The following SEPHS1 variants were observed in gnomAD, a reference collection of about 807,000 sequenced individuals.
SEPHS1 encodes selenophosphate synthetase 1, also known as zincore component SEPHS1.
SEPHS1 carries 7 observed loss-of-function variants against 39.2 expected under a neutral mutation model. The ratio of observed to expected loss-of-function variants is 0.18; its 90% CI spans 0.10 to 0.34. The LOEUF is 0.34. SEPHS1 is among the 10% of genes least tolerant of loss of function. The pLI, the probability that SEPHS1 is intolerant of heterozygous loss-of-function variation, is 1.00. For missense variants in SEPHS1, 253 were observed against 514.5 expected, an observed-to-expected ratio of 0.49 and a Z score of 4.92; for synonymous variants, 190 against 195.5, an observed-to-expected ratio of 0.97 and a Z score of 0.23.
At chr10:13,346,537 T>C (rs1833927589) in intron 1 of SEPHS1, among the ~76,000 whole-genome samples, 1 of 151,976 alleles carries the variant, frequency 6.6e-6, no homozygotes, top group African/African-American at 2.4e-5. Flanking sequence ...TTCCAAGAAG[T>C]CTCCCTGCCC....
chr10:13,344,835 T>C lies in SEPHS1; in HGVS notation c.116A>G (p.Gln39Arg). 6.2e-7 allele frequency: 1 copy of C among 1,607,288 alleles called. No homozygotes were observed. Among genetic ancestry groups the C allele is most frequent in the Non-Finnish European group, 8.5e-7 (1 of 1,176,472 alleles). ...CTCCTGTAAAGATTCCAGCAATTTT[T>C]GCAGGACATCTTGGGGCACTTTGCA... is the stretch of plus-strand genomic sequence containing the variant. ...TGCKVPQDVLQKLLESLQENH... is the reference protein window; with the variant it reads ...TGCKVPQDVLRKLLESLQENH... Residue 39 changes from glutamine to arginine, a missense_variant, in exon 2 of 9, where the codon CAA (glutamine) becomes CGA (arginine). By Grantham distance (43) the Gln-to-Arg change is conservative. Around this residue, in one of 4 missense-constraint regions of SEPHS1, gnomAD observed 123 missense variants for 196.8 expected, o/e 0.62. Coordinates refer to ENST00000327347, the MANE Select transcript of SEPHS1 (RefSeq NM_012247.5).
chr10:13,324,718 C>T (rs756993042), intron 7 of SEPHS1, among the ~76,000 whole-genome samples: 1 of 152,224 alleles, frequency 6.6e-6, no homozygotes, highest in Non-Finnish European at 1.5e-5. Context: ...TCAAGGGATC[C>T]TCCCAACCTC....
At chr10:13,326,443 C>T (rs559233057) in intron 7 of SEPHS1, among the ~76,000 whole-genome samples, 1 of 147,812 alleles carries the variant, frequency 6.8e-6, no homozygotes, top group East Asian at 2.0e-4. Context: ...CACTGCACTT[C>T]AGCCTGGGCG....
chr10:13,326,162 C>T (rs899343455), intron 7 of SEPHS1, among the ~76,000 whole-genome samples: 5 of 151,904 alleles, frequency 3.3e-5, no homozygotes, highest in African/African-American at 1.2e-4. Flanking sequence ...CAATGAATTG[C>T]CTTTACTCCT....
chr10:13,335,992 A>C (rs74795203), intron 4 of SEPHS1, among the ~76,000 whole-genome samples: 1 of 151,234 alleles, frequency 6.6e-6, no homozygotes, highest in Non-Finnish European at 1.5e-5. Flanking sequence ...AAAAAAAAAA[A>C]AAAAAAAGTC....
chr10:13,326,250 C>A (rs569719500), intron 7 of SEPHS1, among the ~76,000 whole-genome samples: 1 of 151,860 alleles, frequency 6.6e-6, no homozygotes, highest in Non-Finnish European at 1.5e-5. Flanking sequence ...CCGAGACAGG[C>A]GGATCACAAG....
chr10:13,335,310 CA>C (rs1833592987), intron 4 of SEPHS1, among the ~76,000 whole-genome samples: 2 of 152,338 alleles, frequency 1.3e-5, no homozygotes, highest in South Asian at 4.1e-4. Flanking sequence ...ACGTGTCCCA[CA>C]TCTGTAAGGC....
rs1833989855 is a variant in SEPHS1, at chr10:13,348,098, T to C, written c.-177A>G. The C allele has an allele frequency of 6.9e-6, 1 of 144,322 alleles. No homozygotes were observed. The highest frequency in any genetic ancestry group is 2.5e-5 in the African/African-American group (1 of 39,900). 8.9% of individuals were successfully genotyped at this position (144,322 alleles called of 1,614,324 possible). A position where few individuals can be genotyped will look rare whatever the true frequency, so the allele number is the denominator to read the frequency against. On this transcript the variant is annotated 5_prime_UTR_variant, in exon 1 of 9. Coordinates refer to ENST00000327347, the MANE Select transcript of SEPHS1 (RefSeq NM_012247.5). ...CGGGCTCCCTTAAGCGTCGCCTGAA[T>C]AAAAATGCCGCGCCCGGCGGCGGCG...
chr10:13,329,003 T>C (rs1833387319), intron 6 of SEPHS1, among the ~76,000 whole-genome samples: 2 of 152,234 alleles, frequency 1.3e-5, no homozygotes, highest in African/African-American at 4.8e-5. Context: ...CGTGTAATTA[T>C]TGATTATTCT....
chr10:13,334,414 G>C (rs931905715), intron 4 of SEPHS1, among the ~76,000 whole-genome samples: 1 of 152,116 alleles, frequency 6.6e-6, no homozygotes. Flanking sequence ...GGTAGCATGC[G>C]CCTGTAATCC....
At position 13,323,039 on chromosome 10, in the gene SEPHS1, G is replaced by A. The variant is rs745416609; in HGVS notation, c.760C>T (p.Leu254Phe). The A allele has an allele frequency of 1.2e-6, 2 of 1,614,052 alleles. No homozygotes were observed. Among genetic ancestry groups the A allele is most frequent in the Admixed American group, 1.7e-5 (1 of 60,002 alleles). ...GCGTGGGCATTGAACGTGTGCATGA[G>A]TCCTGCAGCTGGGAGAGAGAGGGGG... ...MARLNRTAAG[L>F]MHTFNAHAAT... is the part of the protein sequence containing the mutation. Residue 254 changes from leucine (L) to phenylalanine (F), a missense_variant, in exon 8 of 9, where the codon CTC (leucine) becomes TTC (phenylalanine). Leu to Phe is a conservative substitution (Grantham distance 22, BLOSUM62 0). Coordinates refer to ENST00000327347, the MANE Select transcript of SEPHS1 (RefSeq NM_012247.5).
rs188592053 is a variant in SEPHS1, at chr10:13,330,123, A to G, written c.561-335T>C. On this transcript the variant is annotated intron_variant, in intron 5 of 8. Transcript: ENST00000327347. The stretch of plus-strand genomic sequence containing the variant: ...ACCCCATTTCAAAAATAATATACAT[A>G]TTTTTAAAAAGAATGAAACATTTAG... Among the ~76,000 whole-genome samples the G allele has an allele frequency of 1.5e-3, 222 of 152,260 alleles. 1 individual carries two copies. The highest frequency in any genetic ancestry group is 5.0e-3 in the African/African-American group (209 of 41,554).
At chr10:13,320,602 G>A (rs1298553740) in intron 8 of SEPHS1, among the ~76,000 whole-genome samples, 1 of 151,816 alleles carries the variant, frequency 6.6e-6, no homozygotes, top group Non-Finnish European at 1.5e-5. Flanking sequence ...CACTTTGGGA[G>A]GCCGAGGCGG....
At chr10:13,322,782 A>G (rs1466846501) in intron 8 of SEPHS1, 53 bp downstream of exon 8, 2 of 1,549,356 alleles carry the variant, frequency 1.3e-6, no homozygotes, top group Non-Finnish European at 1.8e-6. Context: ...TTTCTCGCTG[A>G]GCTTTCTGTT....
intron 3 of SEPHS1, among the ~76,000 whole-genome samples, chr10:13,336,585 G>A (rs1317231244): frequency 6.6e-6 from 1 of 152,148 alleles, no homozygotes. Context: ...TTCTTGTGCA[G>A]GACAAAGAAT....
Position 13,343,581 on chromosome 10 carries a change from A to T in SEPHS1, c.193+1177T>A, listed in dbSNP as rs148110477. ...GTAATCCCAGCACTTTGGGAGGCTGAGGCAGGCAGATCACCTGAGGTCAGG... is the reference window on the plus strand; with the variant it reads ...GTAATCCCAGCACTTTGGGAGGCTGTGGCAGGCAGATCACCTGAGGTCAGG... On this transcript the variant is annotated intron_variant, in intron 2 of 8. Coordinates refer to ENST00000327347, the MANE Select transcript of SEPHS1 (RefSeq NM_012247.5). 3.9e-3 allele frequency among the ~76,000 whole-genome samples: 596 copies of T among 152,324 alleles called. 5 individuals carry two copies. The highest frequency in any genetic ancestry group is 0.014 in the African/African-American group (568 of 41,572).
At chr10:13,347,643 G>A (rs1378056472) in intron 1 of SEPHS1, among the ~76,000 whole-genome samples, 2 of 146,948 alleles carry the variant, frequency 1.4e-5, no homozygotes, top group East Asian at 2.0e-4. Context: ...CCCCAGGCCG[G>A]CCGCTCCCGC....
intron 1 of SEPHS1, chr10:13,347,424 C>G (rs1186070240): frequency 2.0e-5 from 3 of 150,494 alleles, no homozygotes; most frequent in African/African-American, 4.9e-5. Flanking sequence ...CCAGCAGGCC[C>G]GGGCTGCGGG....
At chr10:13,319,948 C>T (rs1833052544) in intron 8 of SEPHS1, among the ~76,000 whole-genome samples, 1 of 152,102 alleles carries the variant, frequency 6.6e-6, no homozygotes, top group Non-Finnish European at 1.5e-5. Flanking sequence ...GCTATTTTTT[C>T]CAAGCTACAC....
Sources: gnomAD v4.1 joint callset for allele counts (sites outside exome capture counted in the v4.1 genomes callset) on GRCh38, gnomAD v4.1.1 for gene constraint, gnomAD v4.1.1 regional missense constraint, MANE v1.5 for transcripts, NCBI Gene and HGNC (gene_info 2026-07-23, HGNC 2026-07-21) for gene names.